ERC2: variants seen among roughly 807,000 people sequenced by gnomAD.
The protein encoded by ERC2 is ELKS/RAB6-interacting/CAST family member 2.
ERC2 carries 42 observed loss-of-function variants against 114.8 expected under a neutral mutation model. The ratio of observed to expected loss-of-function variants is 0.37; its 90% confidence interval spans 0.29 to 0.47. ERC2 has a LOEUF of 0.47. Ranked by LOEUF, ERC2 falls within the 20% of genes least tolerant of loss-of-function variation. ERC2 has a pLI of 0.99. For missense variants in ERC2, 939 were observed against 1,150.7 expected, an observed-to-expected ratio of 0.82 and a Z score of 2.66; for synonymous variants, 454 against 425.5, an observed-to-expected ratio of 1.07 and a Z score of -0.82.
chr3:56,254,160 G>A (rs973759041), intron 3 of ERC2, among the ~76,000 whole-genome samples: 13 of 152,192 alleles, frequency 8.5e-5, no homozygotes, highest in Admixed American at 2.0e-4. Context: ...GCTTTATGTC[G>A]TCCCCTTTTA....
intron 6 of ERC2, among the ~76,000 whole-genome samples, chr3:56,107,294 G>A (rs1039069328): frequency 6.7e-6 from 1 of 148,698 alleles, no homozygotes; most frequent in Non-Finnish European, 1.5e-5. Flanking sequence ...TTTTAAAAGA[G>A]TTGCAGTTAC....
At chr3:55,522,132 A>T (rs1846591) in intron 17 of ERC2, among the ~76,000 whole-genome samples, 48,108 of 152,118 alleles carry the variant, frequency 0.32, 8,173 homozygotes, top group Middle Eastern at 0.44. Context: ...ACACACTTCT[A>T]TGTGTTTTCT....
At chr3:56,274,001 T>C (rs1340236296) in intron 3 of ERC2, among the ~76,000 whole-genome samples, 1 of 152,210 alleles carries the variant, frequency 6.6e-6, no homozygotes, top group Non-Finnish European at 1.5e-5. Context: ...TAAATCACAG[T>C]TGTCTCTTGG....
chr3:56,210,035 T>A (rs1240618670), intron 3 of ERC2, among the ~76,000 whole-genome samples: 1 of 152,158 alleles, frequency 6.6e-6, no homozygotes, highest in Non-Finnish European at 1.5e-5. Context: ...ATTTTCCCAA[T>A]ATCATCAGTG....
chr3:56,041,766 G>A (rs964666897), intron 7 of ERC2, among the ~76,000 whole-genome samples: 5 of 152,006 alleles, frequency 3.3e-5, no homozygotes, highest in African/African-American at 9.7e-5. Flanking sequence ...AAGTCCTCAG[G>A]TCCCTAGCCA....
chr3:56,293,950 A>C (rs1350557306), intron 3 of ERC2, among the ~76,000 whole-genome samples: 1 of 152,250 alleles, frequency 6.6e-6, no homozygotes, highest in Non-Finnish European at 1.5e-5. Context: ...CAAGATCCCA[A>C]CAAGGAGTGA....
At position 55,551,898 on chromosome 3, in the gene ERC2, C is replaced by G. The variant is rs1405616363; in HGVS notation, c.*40-40622G>C. Among the ~76,000 whole-genome samples the G allele has an allele frequency of 2.0e-5, 3 of 152,232 alleles. No individual in the cohort carries two copies. The South Asian group carries it at 6.2e-4, about 32-fold the overall frequency. ...TCACAACTTCTGTATACCCATCACT[C>G]AGATTCAGCCATTATCAATGAAATT... On this transcript the variant is annotated intron_variant, in intron 17 of 17. Coordinates refer to ENST00000288221, the MANE Select transcript of ERC2 (RefSeq NM_015576.3).
chr3:55,993,979 T>G (rs1462080956), intron 10 of ERC2, among the ~76,000 whole-genome samples: 1 of 152,158 alleles, frequency 6.6e-6, no homozygotes, highest in African/African-American at 2.4e-5. Flanking sequence ...TAAAAGAAAG[T>G]AACTACTCCA....
At chr3:56,392,764 G>A (rs1484662587) in intron 2 of ERC2, among the ~76,000 whole-genome samples, 5 of 152,200 alleles carry the variant, frequency 3.3e-5, no homozygotes, top group African/African-American at 1.2e-4. Context: ...AAAGACAATG[G>A]TGGTTGTGGT....
Position 55,583,334 on chromosome 3 carries a change from C to CCTGCCTGT in ERC2, c.*40-72066_*40-72059dup, listed in dbSNP as rs1227064348. ...GGCTGGTTTCCAGTGTGGAAGCTTG[C>CCTGCCTGT]CTGCCTGTCTGCCTGCCTGCCTGCC... On this transcript the variant is annotated intron_variant, in intron 17 of 17. Transcript: ENST00000288221. 2.3e-3 allele frequency among the ~76,000 whole-genome samples: 341 copies of CCTGCCTGT among 150,578 alleles called. 2 individuals are homozygous for CCTGCCTGT. The highest frequency in any genetic ancestry group is 3.3e-3 in the Non-Finnish European group (224 of 67,904).
intron 3 of ERC2, among the ~76,000 whole-genome samples, chr3:56,239,425 G>A (rs2051177068): frequency 6.6e-6 from 1 of 152,190 alleles, no homozygotes; most frequent in South Asian, 2.1e-4. Context: ...AGAATTGCTT[G>A]AACCCAGGTG....
chr3:56,185,836 A>T (rs6776414), intron 3 of ERC2, among the ~76,000 whole-genome samples: 140,022 of 152,098 alleles, frequency 0.92, 64,833 homozygotes, highest in East Asian at 1. Context: ...CATGTGCCTT[A>T]TAAAAGCTGA....
chr3:55,744,975 T>C (rs1397241678), intron 14 of ERC2, among the ~76,000 whole-genome samples: 1 of 152,196 alleles, frequency 6.6e-6, no homozygotes, highest in Non-Finnish European at 1.5e-5. Context: ...CCACCAAAGT[T>C]AAAGATTCAA....
At chr3:56,051,620 A>C (rs572363204) in intron 7 of ERC2, among the ~76,000 whole-genome samples, 77 of 152,264 alleles carry the variant, frequency 5.1e-4, no homozygotes, top group Non-Finnish European at 7.1e-4. Flanking sequence ...CAGGACACTG[A>C]CTTCCATCAA....
At chr3:56,432,536 C>A (rs1032681612) in intron 2 of ERC2, among the ~76,000 whole-genome samples, 2 of 152,182 alleles carry the variant, frequency 1.3e-5, no homozygotes, top group African/African-American at 4.8e-5. Context: ...ACTACAAAAT[C>A]ACATTTCTAC....
chr3:55,655,936 C>A (rs1445469), intron 17 of ERC2, among the ~76,000 whole-genome samples: 71,246 of 151,926 alleles, frequency 0.47, 17,557 homozygotes, highest in East Asian at 0.6. Flanking sequence ...CTATTATTTT[C>A]TTCATGTTTT....
intron 1 of ERC2, among the ~76,000 whole-genome samples, chr3:56,452,989 C>T (rs772344452): frequency 3.9e-5 from 6 of 152,058 alleles, no homozygotes; most frequent in Non-Finnish European, 8.8e-5. Context: ...GAAATAACAG[C>T]GTTAAACATC....
At chr3:56,005,157 C>T (rs771664908) in intron 10 of ERC2, among the ~76,000 whole-genome samples, 2 of 151,994 alleles carry the variant, frequency 1.3e-5, no homozygotes, top group Non-Finnish European at 2.9e-5. Flanking sequence ...ACTCACTGCA[C>T]TATGCATTTA....
intron 17 of ERC2, among the ~76,000 whole-genome samples, chr3:55,661,636 C>T (rs543260436): frequency 2.3e-4 from 35 of 152,200 alleles, no homozygotes; most frequent in Non-Finnish European, 4.7e-4. Flanking sequence ...GTCCCTTCGT[C>T]CAGTACCTGG....
Sources: allele counts gnomAD v4.1 joint callset (sites outside exome capture counted in the v4.1 genomes callset), GRCh38; gene constraint gnomAD v4.1.1; transcripts MANE v1.5; gene names NCBI Gene and HGNC (gene_info 2026-07-23, HGNC 2026-07-21).